PALLD: variants seen among roughly 807,000 people sequenced by gnomAD.
PALLD encodes palladin, cytoskeletal associated protein.
Under a neutral mutation model 123.5 loss-of-function variants are expected in PALLD, and 61 were observed. That is an observed-to-expected ratio of 0.49 (90% CI 0.40 to 0.61). PALLD has a LOEUF of 0.61. Among genes scored for constraint, PALLD ranks in the 20% least tolerant of loss-of-function variants. PALLD has a pLI of 0.00. For synonymous variants in PALLD, 465 were observed against 496.4 expected (o/e 0.94, Z 0.84); for missense variants, 1,273 against 1,377.0 (o/e 0.92, Z 1.20).
intron 2 of PALLD, among the ~76,000 whole-genome samples, chr4:168,525,039 C>T (rs1252187582): frequency 6.6e-6 from 1 of 152,036 alleles, no homozygotes; most frequent in Non-Finnish European, 1.5e-5. Context: ...CGTTATAGTA[C>T]CATTTAATCC....
At chr4:168,882,330 G>A (rs900759421) in intron 10 of PALLD, among the ~76,000 whole-genome samples, 1 of 152,196 alleles carries the variant, frequency 6.6e-6, no homozygotes, top group African/African-American at 2.4e-5. Context: ...AGAGCATAGC[G>A]TGACTTAGGT....
At chr4:168,712,536 A>T (rs920798751) in intron 10 of PALLD, among the ~76,000 whole-genome samples, 1 of 152,150 alleles carries the variant, frequency 6.6e-6, no homozygotes, top group Non-Finnish European at 1.5e-5. Flanking sequence ...TTTTCTTAGG[A>T]TGATAAACCT....
At chr4:168,890,767 C>T (rs1365376963) in intron 10 of PALLD, among the ~76,000 whole-genome samples, 155 bp from the exon 11 acceptor site, 1 of 152,190 alleles carries the variant, frequency 6.6e-6, no homozygotes, top group Non-Finnish European at 1.5e-5. Flanking sequence ...AACCAGCTTT[C>T]ATGGTTCTTT....
At chr4:168,617,275 G>A (rs2723687) in intron 2 of PALLD, among the ~76,000 whole-genome samples, 83,715 of 151,714 alleles carry the variant, frequency 0.55, 23,247 homozygotes, top group Middle Eastern at 0.62. Context: ...TTCAGTTGTG[G>A]AATGGAGTAG....
At chr4:168,660,761 A>G (rs201384167) in intron 2 of PALLD, among the ~76,000 whole-genome samples, 11 of 152,224 alleles carry the variant, frequency 7.2e-5, no homozygotes, top group African/African-American at 1.2e-4. Flanking sequence ...GGAAAATTCA[A>G]TACTGGAGAA....
intron 12 of PALLD, 120 bp from the exon 13 acceptor site, chr4:168,896,429 A>G (rs1755184869): frequency 1.5e-6 from 1 of 681,056 alleles, no homozygotes; most frequent in Non-Finnish European, 2.7e-6. Context: ...TACTCACAGC[A>G]CCGTTACTAC....
chr4:168,904,889 G>A (rs1178672145), intron 15 of PALLD, among the ~76,000 whole-genome samples: 1 of 152,066 alleles, frequency 6.6e-6, no homozygotes, highest in East Asian at 1.9e-4. Context: ...CACTTTGGGA[G>A]GCTGAGGCAG....
At chr4:168,512,532 C>T (rs1224264018) in intron 2 of PALLD, 120 bp downstream of exon 2, 2 of 964,286 alleles carry the variant, frequency 2.1e-6, no homozygotes, top group African/African-American at 3.2e-5. Flanking sequence ...AGAGTACTTG[C>T]AAGGAGAGAA....
At chr4:168,539,040 A>T (rs1452334002) in intron 2 of PALLD, among the ~76,000 whole-genome samples, 2 of 152,218 alleles carry the variant, frequency 1.3e-5, no homozygotes, top group Non-Finnish European at 2.9e-5. Flanking sequence ...AGTGTGTCAT[A>T]AAACTAGCTC....
At chr4:168,542,761 T>G (rs1349598409) in intron 2 of PALLD, among the ~76,000 whole-genome samples, 2 of 122,318 alleles carry the variant, frequency 1.6e-5, no homozygotes, top group Non-Finnish European at 3.5e-5. Flanking sequence ...TATATATATA[T>G]ATGGAGAGAA....
At chr4:168,512,459 G>A (rs1210496873) in intron 2 of PALLD, 47 bp downstream of exon 2, 1 of 1,524,536 alleles carries the variant, frequency 6.6e-7, no homozygotes, top group Admixed American at 1.7e-5. Context: ...GTTGACTTTG[G>A]TGTTACTTTA....
At chr4:168,768,530 A>G (rs1035729230) in intron 10 of PALLD, among the ~76,000 whole-genome samples, 2 of 152,244 alleles carry the variant, frequency 1.3e-5, no homozygotes, top group African/African-American at 2.4e-5. Flanking sequence ...TATATACTAC[A>G]TGCATGACTA....
At chr4:168,637,373 C>A (rs774966361) in intron 2 of PALLD, among the ~76,000 whole-genome samples, 4 of 152,080 alleles carry the variant, frequency 2.6e-5, no homozygotes, top group Non-Finnish European at 5.9e-5. Context: ...TAGACAACTA[C>A]CAGCAAGCAC....
At chr4:168,506,878 G>A (rs1762061074) in intron 1 of PALLD, among the ~76,000 whole-genome samples, 1 of 152,182 alleles carries the variant, frequency 6.6e-6, no homozygotes, top group South Asian at 2.1e-4. Flanking sequence ...AAAAGGACAT[G>A]TACTGCTTCC....
intron 10 of PALLD, among the ~76,000 whole-genome samples, chr4:168,788,917 A>G (rs1481248762): frequency 2.6e-5 from 4 of 152,242 alleles, no homozygotes; most frequent in Non-Finnish European, 5.9e-5. Context: ...CACCCAGATC[A>G]AAAGAATAGA....
intron 8 of PALLD, among the ~76,000 whole-genome samples, chr4:168,693,292 T>C (rs1287706220): frequency 2.0e-5 from 3 of 151,922 alleles, no homozygotes; most frequent in African/African-American, 4.8e-5. Flanking sequence ...CCTGTGTCCT[T>C]ATCACTTACC....
intron 10 of PALLD, among the ~76,000 whole-genome samples, chr4:168,820,417 A>G (rs1561560706): frequency 1.3e-5 from 2 of 152,346 alleles, no homozygotes; most frequent in East Asian, 3.9e-4. Context: ...AAGCCTATGA[A>G]GGCAAGAATG....
intron 10 of PALLD, among the ~76,000 whole-genome samples, chr4:168,713,884 C>G (rs1296661684): frequency 6.7e-6 from 1 of 148,434 alleles, no homozygotes; most frequent in East Asian, 2.0e-4. Context: ...AGCAGAACAC[C>G]TAACCACAAA....
chr4:168,695,147 T>C (rs1783019523), intron 8 of PALLD, among the ~76,000 whole-genome samples: 13 of 152,236 alleles, frequency 8.5e-5, no homozygotes, highest in Admixed American at 8.5e-4. Context: ...TAATTTCTGC[T>C]CACCAGTGTG....
Sources: gnomAD v4.1 joint callset for allele counts (sites outside exome capture counted in the v4.1 genomes callset) on GRCh38, gnomAD v4.1.1 for gene constraint, MANE v1.5 for transcripts, NCBI Gene and HGNC (gene_info 2026-07-23, HGNC 2026-07-21) for gene names.